The following LINGO2 variants were observed in gnomAD, a reference collection of about 807,000 sequenced individuals.
The protein encoded by LINGO2 is leucine-rich repeat and immunoglobulin-like domain-containing nogo receptor-interacting protein 2.
In LINGO2, 14 loss-of-function variants were observed where a neutral mutation model predicts 30.6. That is an observed-to-expected ratio of 0.46 (90% CI 0.30 to 0.72). LINGO2 has a LOEUF of 0.72. Ranked by LOEUF, LINGO2 falls within the 30% of genes least tolerant of loss-of-function variation. The pLI, the probability that LINGO2 is intolerant of heterozygous loss-of-function variation, is 0.07. For missense variants in LINGO2, 729 were observed against 751.7 expected (o/e 0.97, Z 0.35); for synonymous variants, 317 against 288.5 (o/e 1.10, Z -1.00).
the LINGO2 span, among the ~76,000 whole-genome samples, chr9:29,108,750 T>C: frequency 4.6e-5 from 7 of 152,322 alleles, no homozygotes; most frequent in East Asian, 1.4e-3. Context: ...TGAGCTTGAC[T>C]ACAGGAAGAT....
the LINGO2 span, among the ~76,000 whole-genome samples, chr9:28,888,468 T>C: frequency 6.6e-6 from 1 of 152,128 alleles, no homozygotes; most frequent in Non-Finnish European, 1.5e-5. Context: ...ATTTATATAC[T>C]TAAACTCCTG....
the LINGO2 span, among the ~76,000 whole-genome samples, chr9:28,957,084 T>G: frequency 6.6e-6 from 1 of 152,012 alleles, no homozygotes; most frequent in African/African-American, 2.4e-5. Flanking sequence ...GTAACCCAAG[T>G]GTCTGGACTC....
the LINGO2 span, among the ~76,000 whole-genome samples, chr9:28,752,348 C>T: frequency 8.9e-3 from 1,347 of 151,728 alleles, 36 homozygotes; most frequent in African/African-American, 0.029. Flanking sequence ...GGAGAATAGC[C>T]GGAGAGATAT....
chr9:28,046,901 T>G (rs1824446309), intron 4 of LINGO2, among the ~76,000 whole-genome samples: 1 of 152,076 alleles, frequency 6.6e-6, no homozygotes, highest in South Asian at 2.1e-4. Flanking sequence ...TTTCACTACT[T>G]TAAAGAAATT....
chr9:28,006,416 T>G (rs1484349835), intron 5 of LINGO2, among the ~76,000 whole-genome samples: 1 of 152,138 alleles, frequency 6.6e-6, no homozygotes, highest in African/African-American at 2.4e-5. Flanking sequence ...TGATTTGGGA[T>G]TGAAATAATT....
intron 2 of LINGO2, among the ~76,000 whole-genome samples, chr9:28,402,929 C>T (rs1822332712): frequency 1.3e-5 from 2 of 152,068 alleles, no homozygotes; most frequent in African/African-American, 4.8e-5. Context: ...AAAATCACAT[C>T]GGGTCTCTAC....
the LINGO2 span, among the ~76,000 whole-genome samples, chr9:28,753,196 G>T: frequency 6.6e-6 from 1 of 152,002 alleles, no homozygotes; most frequent in African/African-American, 2.4e-5. Flanking sequence ...GTGAGTGACC[G>T]CAGAAGAAAC....
At chr9:28,253,687 A>G (rs890531172) in intron 4 of LINGO2, among the ~76,000 whole-genome samples, 1 of 152,158 alleles carries the variant, frequency 6.6e-6, no homozygotes, top group South Asian at 2.1e-4. Flanking sequence ...CACCTGGGGC[A>G]AATGCCATTA....
At chr9:28,053,693 T>C (rs892444074) in intron 4 of LINGO2, among the ~76,000 whole-genome samples, 2 of 152,066 alleles carry the variant, frequency 1.3e-5, no homozygotes, top group African/African-American at 4.8e-5. Context: ...CGAGGCCTCA[T>C]CATGAAATCT....
At chr9:28,489,204 A>C (rs1826288681) in intron 1 of LINGO2, among the ~76,000 whole-genome samples, 1 of 152,114 alleles carries the variant, frequency 6.6e-6, no homozygotes, top group Admixed American at 6.6e-5. Context: ...TTAAAATGTC[A>C]CAATCCAGGG....
intron 2 of LINGO2, among the ~76,000 whole-genome samples, chr9:28,465,017 C>A (rs1303918712): frequency 1.3e-5 from 2 of 152,022 alleles, no homozygotes; most frequent in Non-Finnish European, 2.9e-5. Context: ...TGGGCGCCGC[C>A]CCCCCGCCCC....
intron 1 of LINGO2, among the ~76,000 whole-genome samples, chr9:28,479,883 G>A (rs1411904052): frequency 1.6e-5 from 2 of 122,460 alleles, no homozygotes; most frequent in South Asian, 2.6e-4. Flanking sequence ...GTGTGTGTGT[G>A]TATGTGTGTA....
chr9:29,037,656 T>A, the LINGO2 span, among the ~76,000 whole-genome samples: 3 of 151,976 alleles, frequency 2.0e-5, no homozygotes, highest in Non-Finnish European at 4.4e-5. Context: ...AACTGTCTAA[T>A]GTACTGTTTC....
At chr9:28,348,124 A>T (rs1424022989) in intron 3 of LINGO2, among the ~76,000 whole-genome samples, 2 of 152,178 alleles carry the variant, frequency 1.3e-5, no homozygotes, top group Non-Finnish European at 2.9e-5. Context: ...CATGACAAAA[A>T]TGCTGTTCAC....
chr9:27,937,970 A>T, the LINGO2 span: 1 of 152,168 alleles, frequency 6.6e-6, no homozygotes, highest in Non-Finnish European at 1.5e-5. Context: ...ATGATACAGA[A>T]AGCTGGGGAG....
chr9:28,813,282 C>T, the LINGO2 span, among the ~76,000 whole-genome samples: 5 of 152,126 alleles, frequency 3.3e-5, no homozygotes, highest in Non-Finnish European at 7.3e-5. Flanking sequence ...CAACCCTATA[C>T]ATGATATGGT....
chr9:28,614,377 A>G (rs1587962077), intron 1 of LINGO2, among the ~76,000 whole-genome samples: 1 of 152,308 alleles, frequency 6.6e-6, no homozygotes, highest in East Asian at 1.9e-4. Flanking sequence ...AAGCTAAATC[A>G]TTATGAATTT....
At chr9:28,904,924 A>G in the LINGO2 span, among the ~76,000 whole-genome samples, 4 of 152,050 alleles carry the variant, frequency 2.6e-5, no homozygotes, top group African/African-American at 9.7e-5. Flanking sequence ...CAGAAGAAAC[A>G]GAGACACTGA....
In LINGO2 at chr9:28,486,485, T is replaced by A. The variant is rs145006918; in HGVS notation, c.-364-10460A>T. The stretch of plus-strand genomic sequence containing the variant: ...CAATGAAGATATTGTCTCCTGGAAA[T>A]TTTTCCCAGTGCCTTATATTTTCCA... On this transcript the variant is annotated intron_variant, in intron 1 of 5. Transcript: ENST00000379992. Among the ~76,000 whole-genome samples the A allele has an allele frequency of 2.9e-3, 439 of 152,304 alleles. 4 individuals carry two copies. The highest frequency in any genetic ancestry group is 9.8e-3 in the African/African-American group (409 of 41,582).
Sources: allele counts gnomAD v4.1 joint callset (sites outside exome capture counted in the v4.1 genomes callset), GRCh38; gene constraint gnomAD v4.1.1; transcripts MANE v1.5; gene names NCBI Gene and HGNC (gene_info 2026-07-23, HGNC 2026-07-21).